ARMC8: variants seen among roughly 807,000 people sequenced by gnomAD.
ARMC8 encodes armadillo repeat-containing protein 8.
A neutral mutation model predicts 99.3 loss-of-function variants in ARMC8; 20 were observed. That is an observed-to-expected ratio of 0.20 (90% CI 0.14 to 0.29). The LOEUF is 0.29. Among genes scored for constraint, ARMC8 ranks in the 10% least tolerant of loss-of-function variants. The pLI is 1.00. For missense variants in ARMC8, 569 were observed against 809.5 expected (o/e 0.70, Z 3.60); for synonymous variants, 263 against 278.3 (o/e 0.95, Z 0.55).
chr3:138,190,634 G>A (rs1158989513), intron 1 of ARMC8, among the ~76,000 whole-genome samples: 1 of 152,098 alleles, frequency 6.6e-6, no homozygotes, highest in Admixed American at 6.5e-5. Context: ...GTATAAACCG[G>A]CTTTCTCAGG....
intron 2 of ARMC8, among the ~76,000 whole-genome samples, chr3:138,217,110 C>T (rs1219066134): frequency 2.0e-5 from 3 of 152,098 alleles, no homozygotes; most frequent in Non-Finnish European, 4.4e-5. Flanking sequence ...TAGGCTATAC[C>T]ATCTAGTTGG....
chr3:138,292,072 T>C (rs930626604), intron 21 of ARMC8, among the ~76,000 whole-genome samples: 4 of 152,168 alleles, frequency 2.6e-5, no homozygotes, highest in Non-Finnish European at 5.9e-5. Context: ...AGTTTCACTC[T>C]TGTTGCCCAG....
At chr3:138,229,209 T>TAA (rs2045908725) in intron 6 of ARMC8, among the ~76,000 whole-genome samples, 199 bp downstream of exon 6, 1 of 134,572 alleles carries the variant, frequency 7.4e-6, no homozygotes, top group African/African-American at 2.8e-5. Context: ...TATGTATATA[T>TAA]AAAATATATA....
At chr3:138,271,140 A>G (rs1449348778) in intron 16 of ARMC8, among the ~76,000 whole-genome samples, 1 of 152,202 alleles carries the variant, frequency 6.6e-6, no homozygotes, top group Non-Finnish European at 1.5e-5. Flanking sequence ...ACTTTAGGAT[A>G]GAAATAATTA....
intron 2 of ARMC8, among the ~76,000 whole-genome samples, chr3:138,217,222 C>T (rs909178125): frequency 2.0e-5 from 3 of 152,034 alleles, no homozygotes; most frequent in South Asian, 2.1e-4. Context: ...CGTCGTTAAG[C>T]GAAGCATGAC....
At position 138,235,087 on chromosome 3, in the gene ARMC8, T is replaced by C; in HGVS notation, c.582T>C (p.Ala194=). The stretch of plus-strand genomic sequence containing the variant: ...ACCACGGTGCAGTTCAGAATATTGC[T>C]CACCTACTAACCTCACTGTCCTACA... ...LFNHGAVQNI[A]HLLTSLSYKV... is the part of the protein sequence containing the mutation. Residue 194 remains alanine, a synonymous_variant, in exon 7 of 22, where the codon GCT becomes GCC. Transcript: ENST00000469044. The C allele has an allele frequency of 6.2e-7, 1 of 1,613,896 alleles. No individual in the cohort carries two copies. Among genetic ancestry groups the C allele is most frequent in the Non-Finnish European group, 8.5e-7 (1 of 1,179,826 alleles).
At chr3:138,221,725 C>G (rs1290735069) in intron 2 of ARMC8, among the ~76,000 whole-genome samples, 1 of 152,282 alleles carries the variant, frequency 6.6e-6, no homozygotes, top group South Asian at 2.1e-4. Context: ...CAGGATATCT[C>G]TCACTTTCTA....
chr3:138,223,271 A>T lies in ARMC8; in HGVS notation c.195-118A>T, dbSNP rs1002114829. The T allele has an allele frequency of 2.7e-5, 22 of 818,928 alleles. No homozygotes were observed. In the South Asian group the frequency reaches 4.2e-4, roughly 16 times the overall value. The allele number at this position is 818,928 out of a possible 1,614,324, so 50.7% of individuals were successfully genotyped here. A position where few individuals can be genotyped will look rare whatever the true frequency, so the allele number is the denominator to read the frequency against. ...GATGAGATAAACAAATGACCATTGG[A>T]TTCATATAAACTCAGCCAACCATAT... is the stretch of plus-strand genomic sequence containing the variant. On this transcript the variant is annotated intron_variant, in intron 3 of 21. Transcript: ENST00000469044.
intron 12 of ARMC8, chr3:138,263,463 A>C (rs2047952292): frequency 2.3e-6 from 1 of 439,320 alleles, no homozygotes; most frequent in African/African-American, 2.0e-5. Flanking sequence ...CCTCTGCAGT[A>C]CTTATACCAT....
chr3:138,284,164 A>G lies in ARMC8; in HGVS notation c.1726-267A>G, dbSNP rs58033156. On this transcript the variant is annotated intron_variant, in intron 18 of 21. Coordinates refer to ENST00000469044, the MANE Select transcript of ARMC8 (RefSeq NM_001363941.2). ...TTGATTTGATAGTATGACCTATACA[A>G]AATAGCTGCCTTTGACCAGCTATGG... Among the ~76,000 whole-genome samples, 829 of 152,370 alleles carry G rather than the reference A, an allele frequency of 5.4e-3. 12 individuals carry two copies. Among genetic ancestry groups the G allele is most frequent in the African/African-American group, 0.018 (763 of 41,592 alleles).
At chr3:138,229,054 A>G (rs1381262513) in intron 6 of ARMC8, 44 bp downstream of exon 6, 1 of 1,435,888 alleles carries the variant, frequency 7.0e-7, no homozygotes, top group Admixed American at 1.8e-5. Flanking sequence ...AAATCTTATT[A>G]TGCCTTTAAG....
chr3:138,252,934 C>T (rs1157147274), intron 12 of ARMC8, among the ~76,000 whole-genome samples: 2 of 151,958 alleles, frequency 1.3e-5, no homozygotes, highest in Non-Finnish European at 2.9e-5. Flanking sequence ...TAGACATTGT[C>T]ACTGGATACT....
In ARMC8 at chr3:138,284,362, A is replaced by G. The variant is rs1407426070; in HGVS notation, c.1726-69A>G. The G allele has an allele frequency of 2.6e-5, 33 of 1,245,490 alleles. No individual in the cohort carries two copies. The Admixed American group carries it at 5.5e-4, about 21-fold the overall frequency. 77.2% of individuals were successfully genotyped at this position (1,245,490 alleles called of 1,614,324 possible). Reference sequence around the variant, plus strand: ...GTACCTTCAAGTGAAAAATTGCCCAAGCTCTTGAGACAGCTTGACTCTGGG... The same window carrying G: ...GTACCTTCAAGTGAAAAATTGCCCAGGCTCTTGAGACAGCTTGACTCTGGG... On this transcript the variant is annotated intron_variant, in intron 18 of 21. Transcript: ENST00000469044.
At chr3:138,256,475 A>T (rs920348518) in intron 12 of ARMC8, among the ~76,000 whole-genome samples, 1 of 123,888 alleles carries the variant, frequency 8.1e-6, no homozygotes, top group Non-Finnish European at 1.5e-5. Flanking sequence ...CAGTGGTGCT[A>T]TCTCGGCTCA....
intron 3 of ARMC8, among the ~76,000 whole-genome samples, chr3:138,222,657 A>G (rs1025691491): frequency 3.9e-5 from 6 of 152,064 alleles, no homozygotes; most frequent in Non-Finnish European, 8.8e-5. Flanking sequence ...TACAGAATTA[A>G]TGGTTTAAGT....
chr3:138,215,942 C>A (rs927827954), intron 2 of ARMC8, among the ~76,000 whole-genome samples: 1 of 151,452 alleles, frequency 6.6e-6, no homozygotes, highest in Admixed American at 6.6e-5. Flanking sequence ...CTCACTGCAA[C>A]CTCCGCCTCC....
At chr3:138,292,553 A>G (rs1354190091) in intron 21 of ARMC8, among the ~76,000 whole-genome samples, 1 of 152,194 alleles carries the variant, frequency 6.6e-6, no homozygotes, top group Non-Finnish European at 1.5e-5. Flanking sequence ...TCAGTACAGG[A>G]TGTTAAAGAG....
chr3:138,245,490 C>A, intron 12 of ARMC8: 1 of 1,273,494 alleles, frequency 7.9e-7, no homozygotes, highest in Admixed American at 3.7e-5. Context: ...AATTCTAGCA[C>A]TGTGAAGCTT....
In ARMC8 at chr3:138,289,069, C is replaced by T; in HGVS notation, c.1843C>T (p.Gln615Ter). 6.2e-7 allele frequency: 1 copy of T among 1,612,906 alleles called. No homozygotes were observed. Among genetic ancestry groups the T allele is most frequent in the Non-Finnish European group, 8.5e-7 (1 of 1,179,236 alleles). ...ATAGGGCCATTCACATGTTAAACTG[C>T]AGCTTGCAGCCATGTTTTGTATATC... ...YYMGHSHVKL[Q>*]LAAMFCISNL... Residue 615 changes from glutamine (Q) to a stop codon, truncating the protein, a stop_gained, in exon 20 of 22, where the codon CAG (glutamine) becomes TAG (stop). Coordinates refer to ENST00000469044, the MANE Select transcript of ARMC8 (RefSeq NM_001363941.2). LOFTEE classifies it high-confidence loss of function.
Sources: gnomAD v4.1 joint callset for allele counts (sites outside exome capture counted in the v4.1 genomes callset) on GRCh38, gnomAD v4.1.1 for gene constraint, MANE v1.5 for transcripts, NCBI Gene and HGNC (gene_info 2026-07-23, HGNC 2026-07-21) for gene names.